Variants in IL1RAPL2 observed in about 807,000 individuals in gnomAD.
The protein encoded by IL1RAPL2 is interleukin 1 receptor accessory protein like 2, also known as X-linked interleukin-1 receptor accessory protein-like 2.
In IL1RAPL2, 3 loss-of-function variants were observed where a neutral mutation model predicts 44.1. That is an observed-to-expected ratio of 0.07 (90% CI 0.03 to 0.18). The LOEUF (loss-of-function observed/expected upper bound fraction) is 0.18. Ranked by LOEUF, IL1RAPL2 falls within the 10% of genes least tolerant of loss-of-function variation. The pLI is 1.00. For synonymous variants in IL1RAPL2, 181 were observed against 178.8 expected, an observed-to-expected ratio of 1.01 and a Z score of -0.10; for missense variants, 391 against 496.4, an observed-to-expected ratio of 0.79 and a Z score of 2.02.
intron 2 of IL1RAPL2, among the ~76,000 whole-genome samples, chrX:104,921,832 A>G (rs1924650634): frequency 8.9e-6 from 1 of 111,991 alleles, no homozygotes; most frequent in Admixed American, 9.4e-5. Flanking sequence ...GGACTAGTCT[A>G]GTCAGTTGGG....
intron 2 of IL1RAPL2, among the ~76,000 whole-genome samples, chrX:105,101,508 T>A (rs1012388290): frequency 8.9e-6 from 1 of 111,946 alleles, no homozygotes; most frequent in Non-Finnish European, 1.9e-5. Context: ...TCATTCTGAT[T>A]CTATTTGCAT....
At chrX:105,612,512 C>T (rs1342585320) in intron 6 of IL1RAPL2, among the ~76,000 whole-genome samples, 1 of 112,140 alleles carries the variant, frequency 8.9e-6, no homozygotes, top group Admixed American at 9.5e-5. Context: ...TAACATTTGT[C>T]TACACACAGA....
At chrX:105,280,462 C>G (rs1471734739) in intron 5 of IL1RAPL2, among the ~76,000 whole-genome samples, 6 of 111,421 alleles carry the variant, frequency 5.4e-5, no homozygotes, top group African/African-American at 1.6e-4. Flanking sequence ...TTCTGCACAG[C>G]AAAAGAAGCT....
chrX:104,641,241 G>A (rs1387234604), intron 1 of IL1RAPL2, among the ~76,000 whole-genome samples: 1 of 111,634 alleles, frequency 9.0e-6, no homozygotes, highest in Non-Finnish European at 1.9e-5. Flanking sequence ...GCCTTTGGGA[G>A]GAGTGCTCAG....
intron 5 of IL1RAPL2, among the ~76,000 whole-genome samples, chrX:105,475,473 C>A (rs970886769): frequency 4.9e-4 from 54 of 111,024 alleles, no homozygotes; most frequent in African/African-American, 1.7e-3. Context: ...CCATGTTTAA[C>A]CTTTCATACT....
chrX:105,596,759 G>A (rs1359255139), intron 6 of IL1RAPL2, among the ~76,000 whole-genome samples: 3 of 111,747 alleles, frequency 2.7e-5, no homozygotes, highest in Non-Finnish European at 5.6e-5. Flanking sequence ...TCCACCCATT[G>A]TTGAAGGGAG....
intron 6 of IL1RAPL2, among the ~76,000 whole-genome samples, chrX:105,690,247 A>T (rs892110279): frequency 7.2e-5 from 8 of 111,774 alleles, no homozygotes; most frequent in African/African-American, 2.6e-4. Context: ...AAAATAAAAA[A>T]ATTTAAAAAA....
intron 2 of IL1RAPL2, among the ~76,000 whole-genome samples, chrX:104,796,954 A>T (rs1478033401): frequency 9.1e-6 from 1 of 110,292 alleles, no homozygotes; most frequent in Non-Finnish European, 1.9e-5. Flanking sequence ...TATTTTTTGT[A>T]AAGATGGGGT....
intron 2 of IL1RAPL2, among the ~76,000 whole-genome samples, chrX:105,033,728 G>C (rs757864692): frequency 1.4e-3 from 152 of 110,978 alleles, no homozygotes; most frequent in African/African-American, 4.6e-3. Flanking sequence ...CGAGGAGTAT[G>C]TTTGTGGCGT....
intron 5 of IL1RAPL2, among the ~76,000 whole-genome samples, chrX:105,399,924 T>C (rs73527115): frequency 0.19 from 21,319 of 109,997 alleles, 5,060 homozygotes; most frequent in African/African-American, 0.67. Context: ...TTTTCCTAAT[T>C]TAGGAGGAAG....
chrX:105,370,428 C>T (rs2035329334), intron 5 of IL1RAPL2, among the ~76,000 whole-genome samples: 1 of 111,297 alleles, frequency 9.0e-6, no homozygotes, highest in Non-Finnish European at 1.9e-5. Context: ...TTTTTTGTGT[C>T]CATGTGTACA....
chrX:105,221,463 A>C (rs1306076529), intron 3 of IL1RAPL2, among the ~76,000 whole-genome samples: 1 of 111,261 alleles, frequency 9.0e-6, no homozygotes, highest in Non-Finnish European at 1.9e-5. Flanking sequence ...ACTCAGAACC[A>C]GAAGAGTTTC....
At chrX:105,220,559 T>C in intron 3 of IL1RAPL2, 1 of 480,018 alleles carries the variant, frequency 2.1e-6, no homozygotes, top group East Asian at 3.7e-5. Flanking sequence ...CCTGACCGGC[T>C]TGTCCTACCC....
intron 2 of IL1RAPL2, among the ~76,000 whole-genome samples, chrX:104,929,836 G>A (rs1428923067): frequency 8.9e-6 from 1 of 111,781 alleles, no homozygotes; most frequent in East Asian, 2.8e-4. Flanking sequence ...GTTCCACAGT[G>A]GAACCATATG....
intron 5 of IL1RAPL2, among the ~76,000 whole-genome samples, chrX:105,270,116 T>C (rs2034435708): frequency 9.0e-6 from 1 of 111,539 alleles, no homozygotes; most frequent in Admixed American, 9.6e-5. Context: ...GATCCTCAGA[T>C]TTCTCCCTTA....
chrX:105,075,252 G>A (rs1363061703), intron 2 of IL1RAPL2, among the ~76,000 whole-genome samples: 1 of 111,777 alleles, frequency 8.9e-6, no homozygotes, highest in African/African-American at 3.2e-5. Flanking sequence ...TTAGCATGAA[G>A]GGTTGTTGAA....
At chrX:105,561,186 C>T (rs2036934031) in intron 6 of IL1RAPL2, among the ~76,000 whole-genome samples, 1 of 111,398 alleles carries the variant, frequency 9.0e-6, no homozygotes, top group African/African-American at 3.3e-5. Flanking sequence ...TATTGCAGTA[C>T]TCTGAGAGAT....
intron 1 of IL1RAPL2, among the ~76,000 whole-genome samples, chrX:104,591,519 A>G (rs1928664702): frequency 1.8e-5 from 2 of 111,589 alleles, no homozygotes. Flanking sequence ...CTGTCCCTGG[A>G]AGTGACAGTT....
chrX:104,991,596 T>G (rs1463795872), intron 2 of IL1RAPL2, among the ~76,000 whole-genome samples: 1 of 111,859 alleles, frequency 8.9e-6, no homozygotes, highest in Non-Finnish European at 1.9e-5. Context: ...CTGTATCTAT[T>G]AGGAACTCAA....
Sources: gnomAD v4.1 joint callset for allele counts (sites outside exome capture counted in the v4.1 genomes callset) on GRCh38, gnomAD v4.1.1 for gene constraint, MANE v1.5 for transcripts, NCBI Gene and HGNC (gene_info 2026-07-23, HGNC 2026-07-21) for gene names.